IL1RAP: variants seen among roughly 807,000 people sequenced by gnomAD.
IL1RAP encodes the protein interleukin 1 receptor accessory protein, also known as interleukin-1 receptor accessory protein.
Under a neutral mutation model 60.7 loss-of-function variants are expected in IL1RAP, and 35 were observed. The ratio of observed to expected loss-of-function variants is 0.58; its 90% confidence interval spans 0.44 to 0.76. The LOEUF is 0.76. IL1RAP is among the 30% of genes least tolerant of loss of function. The probability of loss-of-function intolerance (pLI) is 0.00; values close to 1 mark genes in which losing one functional copy is unlikely to be tolerated. For missense variants in IL1RAP, 572 were observed against 693.9 expected, an observed-to-expected ratio of 0.82 and a Z score of 1.97; for synonymous variants, 268 against 250.9, an observed-to-expected ratio of 1.07 and a Z score of -0.64.
intron 1 of IL1RAP, among the ~76,000 whole-genome samples, chr3:190,552,027 T>A (rs1724910410): frequency 1.3e-5 from 2 of 152,206 alleles, no homozygotes; most frequent in African/African-American, 4.8e-5. Context: ...TGTTAAATAA[T>A]CCTGTTTACC....
At chr3:190,592,788 G>A (rs113491176) in intron 3 of IL1RAP, among the ~76,000 whole-genome samples, 10 of 152,236 alleles carry the variant, frequency 6.6e-5, no homozygotes, top group African/African-American at 1.9e-4. Flanking sequence ...TTTAAACTTC[G>A]TAGGATTGGT....
chr3:190,658,849 A>T (rs960803288), exon 12 of IL1RAP: 2 of 152,262 alleles, frequency 1.3e-5, no homozygotes, highest in South Asian at 4.2e-4. Flanking sequence ...CCTAGAGTAA[A>T]TGTGAACTCA....
At chr3:190,542,125 C>T (rs1186754092) in intron 1 of IL1RAP, among the ~76,000 whole-genome samples, 1 of 152,110 alleles carries the variant, frequency 6.6e-6, no homozygotes, top group Non-Finnish European at 1.5e-5. Flanking sequence ...AGGGATTTTA[C>T]TATTGTAGAT....
chr3:190,525,604 C>T (rs1722441770), intron 1 of IL1RAP, among the ~76,000 whole-genome samples: 1 of 152,148 alleles, frequency 6.6e-6, no homozygotes, highest in Non-Finnish European at 1.5e-5. Context: ...AGACCAACTG[C>T]TCTGATTTCA....
At chr3:190,612,663 A>G (rs558090452) in intron 5 of IL1RAP, among the ~76,000 whole-genome samples, 1 of 152,178 alleles carries the variant, frequency 6.6e-6, no homozygotes, top group Non-Finnish European at 1.5e-5. Context: ...CAACTTGATC[A>G]TGGGTTTATT....
chr3:190,649,368 A>G lies in IL1RAP; in HGVS notation c.*663A>G, dbSNP rs2108867190. ...ATGTAAACTTGAAAAATATTTCTTA[A>G]TTTTTGTTTTTGCTCCAGTCAATTC... On this transcript the variant is annotated 3_prime_UTR_variant, in exon 12 of 12. Coordinates refer to ENST00000447382, the MANE Select transcript of IL1RAP (RefSeq NM_002182.4). 1 of 985,594 alleles carries G rather than the reference A, an allele frequency of 1.0e-6. No individual in the cohort carries two copies. Among genetic ancestry groups the G allele is most frequent in the African/African-American group, 1.7e-5 (1 of 57,308 alleles). The allele number at this position is 985,594 out of a possible 1,614,324, so 61.1% of individuals were successfully genotyped here.
intron 4 of IL1RAP, among the ~76,000 whole-genome samples, chr3:190,607,076 C>T (rs1241610074): frequency 6.6e-6 from 1 of 152,142 alleles, no homozygotes; most frequent in Non-Finnish European, 1.5e-5. Flanking sequence ...CTCCCCCTTG[C>T]CACCTTCTGA....
intron 3 of IL1RAP, among the ~76,000 whole-genome samples, chr3:190,597,446 C>T (rs1176953690): frequency 6.6e-6 from 1 of 152,200 alleles, no homozygotes; most frequent in African/African-American, 2.4e-5. Flanking sequence ...CATTCCTGAA[C>T]AGCTCTGCTC....
rs1733788784 is a variant in IL1RAP, at chr3:190,643,285, T to C, written c.1052-963T>C. On this transcript the variant is annotated intron_variant, in intron 9 of 11. Coordinates refer to ENST00000447382, the MANE Select transcript of IL1RAP (RefSeq NM_002182.4). ...AAATAATGATATTCGAGCATAGACT[T>C]GGAAACTAAAAAGAGAAAGGACTTC... 2.0e-5 allele frequency among the ~76,000 whole-genome samples: 3 copies of C among 152,216 alleles called. No homozygotes were observed. In the South Asian group the frequency reaches 6.2e-4, roughly 32 times the overall value.
At chr3:190,624,266 G>C (rs1231672604) in intron 7 of IL1RAP, among the ~76,000 whole-genome samples, 1 of 152,226 alleles carries the variant, frequency 6.6e-6, no homozygotes, top group East Asian at 1.9e-4. Flanking sequence ...AAGTTGTTCT[G>C]AAATAATTAT....
chr3:190,610,453 T>C (rs4687156), intron 5 of IL1RAP, among the ~76,000 whole-genome samples: 87,628 of 151,304 alleles, frequency 0.58, 28,168 homozygotes, highest in East Asian at 0.82. Flanking sequence ...GATCACAGAA[T>C]AAAAAACACA....
At chr3:190,525,659 A>C (rs1722447792) in intron 1 of IL1RAP, among the ~76,000 whole-genome samples, 1 of 152,236 alleles carries the variant, frequency 6.6e-6, no homozygotes, top group Admixed American at 6.5e-5. Flanking sequence ...ATTTGGTTTC[A>C]TTGATGTTTC....
rs115934307 is a variant in IL1RAP at position 190,515,524 on chromosome 3, A to G, written c.-89+1305A>G. Reference sequence around the variant, plus strand: ...TGAATTTGAGCAACTCTTTTATAATAAGAATTTTCTGAATGTTGTCCATAT... The same window carrying G: ...TGAATTTGAGCAACTCTTTTATAATGAGAATTTTCTGAATGTTGTCCATAT... On this transcript the variant is annotated intron_variant, in intron 1 of 11. Coordinates refer to ENST00000447382, the MANE Select transcript of IL1RAP (RefSeq NM_002182.4). 7.2e-3 allele frequency among the ~76,000 whole-genome samples: 1,100 copies of G among 152,092 alleles called. 18 individuals are homozygous for G. The highest frequency in any genetic ancestry group is 0.025 in the African/African-American group (1,047 of 41,480).
intron 3 of IL1RAP, among the ~76,000 whole-genome samples, chr3:190,585,536 G>A (rs1728376456): frequency 6.6e-6 from 1 of 152,174 alleles, no homozygotes; most frequent in African/African-American, 2.4e-5. Context: ...TTTAGGCTGG[G>A]CATGGTGGCT....
intron 1 of IL1RAP, chr3:190,518,848 A>G (rs936725552): frequency 6.6e-6 from 1 of 152,278 alleles, no homozygotes; most frequent in African/African-American, 2.4e-5. Flanking sequence ...TCCCTCCCAC[A>G]ACATGTGGGA....
intron 3 of IL1RAP, among the ~76,000 whole-genome samples, chr3:190,596,516 G>A (rs1008026677): frequency 3.3e-5 from 5 of 152,190 alleles, no homozygotes; most frequent in Non-Finnish European, 5.9e-5. Context: ...ATTGCTGTCA[G>A]GAGCGTGGGT....
intron 5 of IL1RAP, among the ~76,000 whole-genome samples, chr3:190,612,091 A>G (rs1181059611): frequency 6.6e-6 from 1 of 152,216 alleles, no homozygotes; most frequent in East Asian, 1.9e-4. Context: ...ATTGTTTAAA[A>G]TAAAATTATA....
intron 4 of IL1RAP, among the ~76,000 whole-genome samples, chr3:190,606,229 A>G (rs901262042): frequency 6.6e-6 from 1 of 152,160 alleles, no homozygotes; most frequent in African/African-American, 2.4e-5. Flanking sequence ...TTATGTTCTA[A>G]TACAACTTGG....
intron 8 of IL1RAP, among the ~76,000 whole-genome samples, chr3:190,628,559 G>C (rs943298068): frequency 6.6e-6 from 1 of 152,176 alleles, no homozygotes; most frequent in African/African-American, 2.4e-5. Context: ...AAGTAAAGGA[G>C]TTCAAAGGGA....
Sources: allele counts gnomAD v4.1 joint callset (sites outside exome capture counted in the v4.1 genomes callset), GRCh38; gene constraint gnomAD v4.1.1; transcripts MANE v1.5; gene names NCBI Gene and HGNC (gene_info 2026-07-23, HGNC 2026-07-21).